The following LUZP2 variants were observed in gnomAD, a reference collection of about 807,000 sequenced individuals.
LUZP2 encodes the protein leucine zipper protein 2.
LUZP2 carries 52 observed loss-of-function variants against 51.6 expected under a neutral mutation model. The ratio of observed to expected loss-of-function variants is 1.01; its 90% CI spans 0.81 to 1.27. LUZP2 has a LOEUF of 1.27. Among genes scored for constraint, LUZP2 ranks in the 50% most tolerant of loss-of-function variants. LUZP2 has a pLI of 0.00. For missense variants in LUZP2, 436 were observed against 395.4 expected (o/e 1.10, Z -0.87); for synonymous variants, 154 against 137.3 (o/e 1.12, Z -0.85).
intron 1 of LUZP2, among the ~76,000 whole-genome samples, chr11:24,607,897 G>A (rs1264404964): frequency 6.6e-6 from 1 of 151,322 alleles, no homozygotes; most frequent in Non-Finnish European, 1.5e-5. Context: ...CACCCAGGCT[G>A]GAGTGCAGTG....
intron 1 of LUZP2, among the ~76,000 whole-genome samples, chr11:24,641,342 T>A (rs1031377337): frequency 7.2e-5 from 11 of 151,874 alleles, no homozygotes; most frequent in African/African-American, 2.7e-4. Context: ...ACAATCTGAA[T>A]GACCTTAATT....
chr11:24,811,957 G>T (rs1481031390), intron 5 of LUZP2, among the ~76,000 whole-genome samples: 1 of 152,094 alleles, frequency 6.6e-6, no homozygotes, highest in Non-Finnish European at 1.5e-5. Flanking sequence ...GGGAACCTGA[G>T]AAACTATGTA....
intron 9 of LUZP2, among the ~76,000 whole-genome samples, chr11:25,026,592 G>T (rs374954312): frequency 1.3e-5 from 2 of 151,906 alleles, no homozygotes; most frequent in South Asian, 2.1e-4. Flanking sequence ...ACTAATTAAG[G>T]GGTGATTATT....
intron 10 of LUZP2, among the ~76,000 whole-genome samples, chr11:25,074,635 A>C (rs562704004): frequency 6.6e-6 from 1 of 152,180 alleles, no homozygotes; most frequent in African/African-American, 2.4e-5. Flanking sequence ...TAGGTCAAAG[A>C]TATTCAAGAA....
intron 1 of LUZP2, among the ~76,000 whole-genome samples, chr11:24,530,722 T>A (rs1310747508): frequency 6.8e-6 from 1 of 147,588 alleles, no homozygotes; most frequent in Non-Finnish European, 1.5e-5. Context: ...TATTGACATA[T>A]ATCTCAGCAG....
At chr11:24,590,799 T>C (rs1174581923) in intron 1 of LUZP2, among the ~76,000 whole-genome samples, 1 of 152,204 alleles carries the variant, frequency 6.6e-6, no homozygotes, top group Non-Finnish European at 1.5e-5. Context: ...CATGAATATC[T>C]TGTCCTTACC....
chr11:24,569,916 C>T (rs141079228), intron 1 of LUZP2, among the ~76,000 whole-genome samples: 34 of 151,588 alleles, frequency 2.2e-4, no homozygotes, highest in Admixed American at 5.9e-4. Flanking sequence ...AATGTTTTAC[C>T]GTATCCACAA....
intron 4 of LUZP2, among the ~76,000 whole-genome samples, chr11:24,741,956 TTATATATA>T (rs1327472986): frequency 1.8e-4 from 23 of 125,674 alleles, no homozygotes; most frequent in Admixed American, 2.7e-4. Context: ...CATTTATATA[TTATATATA>T]AATATATACA....
chr11:24,965,645 T>C (rs1442966929), intron 7 of LUZP2, among the ~76,000 whole-genome samples: 2 of 151,952 alleles, frequency 1.3e-5, no homozygotes, highest in African/African-American at 4.8e-5. Context: ...TAAACTAGTA[T>C]GATAATTTTA....
At chr11:24,718,479 A>G (rs1278788496) in intron 1 of LUZP2, among the ~76,000 whole-genome samples, 2 of 152,176 alleles carry the variant, frequency 1.3e-5, no homozygotes, top group African/African-American at 4.8e-5. Context: ...GTAAATAAGG[A>G]TGTCATCCAT....
chr11:25,037,775 G>T (rs779042686), intron 9 of LUZP2, among the ~76,000 whole-genome samples: 6 of 151,902 alleles, frequency 3.9e-5, no homozygotes, highest in Admixed American at 6.6e-5. Flanking sequence ...CATGAATGCT[G>T]AGTATAGGCC....
intron 1 of LUZP2, among the ~76,000 whole-genome samples, chr11:24,593,810 G>T (rs1369554885): frequency 6.6e-6 from 1 of 152,140 alleles, no homozygotes; most frequent in Non-Finnish European, 1.5e-5. Flanking sequence ...AAATTCCTAA[G>T]GCCAGCTTCA....
intron 7 of LUZP2, among the ~76,000 whole-genome samples, chr11:24,920,118 A>G (rs1360941393): frequency 6.6e-6 from 1 of 151,864 alleles, no homozygotes; most frequent in East Asian, 1.9e-4. Flanking sequence ...TAAATTAAAA[A>G]CAATGTTTAC....
chr11:24,969,065 T>G (rs1344617160), intron 7 of LUZP2, among the ~76,000 whole-genome samples: 1 of 152,204 alleles, frequency 6.6e-6, no homozygotes, highest in Non-Finnish European at 1.5e-5. Flanking sequence ...GGTAAACCCT[T>G]GTCCTGGTGG....
At chr11:24,554,984 T>C (rs1851823495) in intron 1 of LUZP2, among the ~76,000 whole-genome samples, 1 of 152,132 alleles carries the variant, frequency 6.6e-6, no homozygotes, top group South Asian at 2.1e-4. Flanking sequence ...CATGAAGGCA[T>C]GAAGTACTGC....
chr11:24,818,574 T>C (rs559011131), intron 5 of LUZP2, among the ~76,000 whole-genome samples: 1 of 152,210 alleles, frequency 6.6e-6, no homozygotes, highest in South Asian at 2.1e-4. Context: ...TTTCAATTTC[T>C]TTAAAAAAGT....
intron 1 of LUZP2, among the ~76,000 whole-genome samples, chr11:24,603,037 T>A (rs1853798280): frequency 6.6e-6 from 1 of 151,894 alleles, no homozygotes; most frequent in Non-Finnish European, 1.5e-5. Context: ...ATTTCTAAAG[T>A]AAAATGTAGT....
rs146186561 is a variant in LUZP2, at chr11:24,873,512, T to C, written c.397-32479T>C. 7.1e-4 allele frequency among the ~76,000 whole-genome samples: 108 copies of C among 152,284 alleles called. 1 individual carries two copies. In the East Asian group the frequency reaches 0.014, roughly 20 times the overall value. On this transcript the variant is annotated intron_variant, in intron 5 of 11. Coordinates refer to ENST00000336930, the MANE Select transcript of LUZP2 (RefSeq NM_001009909.4). ...AAGTATGACTTTCCTCCCTTTTTCC[T>C]TCAGATAACCCTTTGACTTCAGATA...
chr11:24,986,916 T>G (rs1856205063), intron 9 of LUZP2, among the ~76,000 whole-genome samples: 1 of 151,844 alleles, frequency 6.6e-6, no homozygotes, highest in Non-Finnish European at 1.5e-5. Context: ...ATTTGCATAA[T>G]AGAACGTTTA....
Sources: gnomAD v4.1 joint callset for allele counts (sites outside exome capture counted in the v4.1 genomes callset) on GRCh38, gnomAD v4.1.1 for gene constraint, MANE v1.5 for transcripts, NCBI Gene and HGNC (gene_info 2026-07-23, HGNC 2026-07-21) for gene names.